The following BTBD8 variants were observed in gnomAD, a reference collection of about 807,000 sequenced individuals.
BTBD8 encodes the protein BTB/POZ domain-containing protein 8.
Under a neutral mutation model 162.9 loss-of-function variants are expected in BTBD8, and 110 were observed. The observed-to-expected ratio is 0.68, with a 90% confidence interval of 0.58 to 0.79. The LOEUF is 0.79. BTBD8 is among the 30% of genes least tolerant of loss of function. BTBD8 has a pLI of 0.00. For synonymous variants in BTBD8, 667 were observed against 716.1 expected (o/e 0.93, Z 1.10); for missense variants, 1,905 against 2,085.4 (o/e 0.91, Z 1.68).
At chr1:92,137,961 TG>T (rs2101937734) in intron 5 of BTBD8, among the ~76,000 whole-genome samples, 1 of 152,258 alleles carries the variant, frequency 6.6e-6, no homozygotes, top group South Asian at 2.1e-4. Context: ...AATGAGAGGT[TG>T]GGGGTTTTAC....
At chr1:92,123,792 A>AAG (rs1649279297) in intron 4 of BTBD8, among the ~76,000 whole-genome samples, 1 of 151,292 alleles carries the variant, frequency 6.6e-6, no homozygotes, top group African/African-American at 2.4e-5. Flanking sequence ...AAAAAAAAAA[A>AAG]AAAAGAAAAT....
chr1:92,119,888 C>CTTTTCTTT, intron 4 of BTBD8, among the ~76,000 whole-genome samples: 1 of 124,726 alleles, frequency 8.0e-6, no homozygotes, highest in African/African-American at 3.2e-5. Context: ...GCACCCGGCC[C>CTTTTCTTT]TTTTCTTTTT....
chr1:92,081,927 T>C (rs1332859760), intron 1 of BTBD8, among the ~76,000 whole-genome samples: 1 of 152,076 alleles, frequency 6.6e-6, no homozygotes, highest in Non-Finnish European at 1.5e-5. Context: ...TACTTAAGGC[T>C]CCGATAGCTA....
intron 9 of BTBD8, among the ~76,000 whole-genome samples, chr1:92,166,642 C>G (rs893881175): frequency 9.2e-5 from 14 of 151,920 alleles, no homozygotes; most frequent in Admixed American, 7.2e-4. Flanking sequence ...CCAGGCTGAG[C>G]TTGAACTCCT....
At chr1:92,151,342 G>A (rs1167032655) in intron 9 of BTBD8, among the ~76,000 whole-genome samples, 15 of 112,862 alleles carry the variant, frequency 1.3e-4, no homozygotes, top group Admixed American at 8.3e-4. Context: ...CAACAAGAAC[G>A]AAACTGTCTC....
chr1:92,091,534 C>T (rs958680830), intron 2 of BTBD8, among the ~76,000 whole-genome samples: 4 of 151,304 alleles, frequency 2.6e-5, no homozygotes, highest in African/African-American at 9.7e-5. Context: ...AGGCTGGTCT[C>T]TCTTTTTTTT....
chr1:92,167,200 T>G, intron 10 of BTBD8, 60 bp downstream of exon 10: 2 of 1,519,226 alleles, frequency 1.3e-6, no homozygotes, highest in Non-Finnish European at 1.8e-6. Flanking sequence ...ATTTCAATTA[T>G]GTAAGAGCTT....
At chr1:92,099,955 T>G (rs1022732278) in intron 2 of BTBD8, among the ~76,000 whole-genome samples, 1 of 152,204 alleles carries the variant, frequency 6.6e-6, no homozygotes, top group South Asian at 2.1e-4. Flanking sequence ...GGAAGAAAGC[T>G]TTCAGTTACC....
Position 92,176,940 on chromosome 1 carries a change from G to C in BTBD8, c.1747G>C (p.Gly583Arg). Residue 583 changes from glycine (G) to arginine (R), a missense_variant, in exon 14 of 18, where the codon GGA becomes CGA. Around this residue, in one of 3 missense-constraint regions of BTBD8, gnomAD observed 1,374 missense variants for 1,442.7 expected, o/e 0.95. Transcript: ENST00000636805. ...TACTAATAAAAAGATGAAATCTGATGGATTAGGAGCATCTGGACATTCGTC... is the reference window on the plus strand; with the variant it reads ...TACTAATAAAAAGATGAAATCTGATCGATTAGGAGCATCTGGACATTCGTC... Reference protein sequence around the residue: ...LSTNKKMKSDGLGASGHSSST... With the variant: ...LSTNKKMKSDRLGASGHSSST... The C allele has an allele frequency of 6.5e-7, 1 of 1,540,564 alleles. No individual in the cohort carries two copies.
At chr1:92,113,780 A>G (rs1469740661) in intron 4 of BTBD8, among the ~76,000 whole-genome samples, 1 of 152,080 alleles carries the variant, frequency 6.6e-6, no homozygotes, top group East Asian at 1.9e-4. Flanking sequence ...TGGGAGGCCG[A>G]GGCGGGCGGA....
intron 3 of BTBD8, among the ~76,000 whole-genome samples, chr1:92,103,039 A>G (rs551322404): frequency 1.3e-5 from 2 of 152,374 alleles, no homozygotes; most frequent in South Asian, 2.1e-4. Flanking sequence ...ACTATAATAC[A>G]TATGGCATTT....
At chr1:92,120,604 A>G (rs1340511179) in intron 4 of BTBD8, among the ~76,000 whole-genome samples, 1 of 152,200 alleles carries the variant, frequency 6.6e-6, no homozygotes, top group Non-Finnish European at 1.5e-5. Context: ...GTTTATTTAT[A>G]CCAGCACCTC....
At chr1:92,155,585 A>G (rs1044602928) in intron 9 of BTBD8, among the ~76,000 whole-genome samples, 1 of 152,178 alleles carries the variant, frequency 6.6e-6, no homozygotes, top group Non-Finnish European at 1.5e-5. Context: ...GATTACAGGC[A>G]TAAGCCACTG....
intron 2 of BTBD8, among the ~76,000 whole-genome samples, chr1:92,093,440 C>T (rs1031673481): frequency 6.6e-6 from 1 of 152,118 alleles, no homozygotes; most frequent in Non-Finnish European, 1.5e-5. Flanking sequence ...GATCTGCCCA[C>T]CTTGGCCTCC....
chr1:92,090,571 C>T (rs1426384264), intron 2 of BTBD8, among the ~76,000 whole-genome samples: 1 of 152,144 alleles, frequency 6.6e-6, no homozygotes. Flanking sequence ...AATATTTTCT[C>T]CCATTCTCTG....
At chr1:92,162,470 T>C (rs370509456) in intron 9 of BTBD8, among the ~76,000 whole-genome samples, 8 of 152,230 alleles carry the variant, frequency 5.3e-5, no homozygotes, top group Non-Finnish European at 1.0e-4. Context: ...CCAACAAGAT[T>C]GAGTCCCAGT....
intron 14 of BTBD8, 59 bp downstream of exon 14, chr1:92,177,605 C>G (rs1650759848): frequency 8.4e-7 from 1 of 1,193,958 alleles, no homozygotes; most frequent in Non-Finnish European, 1.2e-6. Flanking sequence ...CTTCAAAAAA[C>G]AAAAACCTAA....
chr1:92,162,230 C>A (rs1650288517), intron 9 of BTBD8, among the ~76,000 whole-genome samples: 1 of 152,218 alleles, frequency 6.6e-6, no homozygotes, highest in Non-Finnish European at 1.5e-5. Context: ...TCAGCCACAT[C>A]ACATACACAT....
At chr1:92,086,497 G>A (rs1648164360) in intron 1 of BTBD8, among the ~76,000 whole-genome samples, 1 of 152,146 alleles carries the variant, frequency 6.6e-6, no homozygotes, top group South Asian at 2.1e-4. Flanking sequence ...TGGGTGTGGT[G>A]ATGCATGCCT....
Sources: allele counts gnomAD v4.1 joint callset (sites outside exome capture counted in the v4.1 genomes callset), GRCh38; gene constraint gnomAD v4.1.1; regional missense constraint gnomAD v4.1.1; transcripts MANE v1.5; gene names NCBI Gene and HGNC (gene_info 2026-07-23, HGNC 2026-07-21).